WDR25: variants seen among roughly 807,000 people sequenced by gnomAD.
WDR25 encodes WD repeat-containing protein 25.
WDR25 carries 35 observed loss-of-function variants against 47.7 expected under a neutral mutation model. The observed-to-expected ratio is 0.73, with a 90% confidence interval of 0.56 to 0.97. WDR25 has a LOEUF of 0.97. Among genes scored for constraint, WDR25 ranks in the 50% least tolerant of loss-of-function variants. The probability of loss-of-function intolerance (pLI) is 0.00; values close to 1 mark genes in which losing one functional copy is unlikely to be tolerated. For missense variants in WDR25, 634 were observed against 704.7 expected, an observed-to-expected ratio of 0.90 and a Z score of 1.14; for synonymous variants, 248 against 278.9, an observed-to-expected ratio of 0.89 and a Z score of 1.10.
rs367860354 is a variant in WDR25 at position 100,381,474 on chromosome 14, C to T, written c.550C>T (p.Arg184Trp). Residue 184 changes from arginine to tryptophan, a missense_variant, in exon 2 of 7, where the codon CGG (arginine) becomes TGG (tryptophan). Coordinates refer to ENST00000402312, the MANE Select transcript of WDR25 (RefSeq NM_001161476.3). ...VPYTPRRLRQRQALSTETGKG... is the reference protein window; with the variant it reads ...VPYTPRRLRQWQALSTETGKG... ...CTATACTCCCAGAAGACTAAGACAGCGGCAGGCATTAAGCACGGAGACAGG... is the reference window on the plus strand; with the variant it reads ...CTATACTCCCAGAAGACTAAGACAGTGGCAGGCATTAAGCACGGAGACAGG... The T allele has an allele frequency of 1.9e-5, 31 of 1,614,148 alleles. No individual in the cohort carries two copies. The highest frequency in any genetic ancestry group is 4.5e-5 in the East Asian group (2 of 44,878).
chr14:100,432,510 C>T (rs150319657), intron 2 of WDR25, among the ~76,000 whole-genome samples: 67 of 152,330 alleles, frequency 4.4e-4, no homozygotes, highest in African/African-American at 1.5e-3. Flanking sequence ...TTCAGGCTTA[C>T]GGAAGAGTTG....
At chr14:100,423,030 A>G (rs1898071400) in intron 2 of WDR25, among the ~76,000 whole-genome samples, 2 of 152,180 alleles carry the variant, frequency 1.3e-5, no homozygotes, top group South Asian at 4.1e-4. Context: ...GATTTCAGTA[A>G]CTGCAGGCTG....
chr14:100,476,571 G>T (rs753388709), intron 3 of WDR25: 2 of 152,198 alleles, frequency 1.3e-5, no homozygotes, highest in South Asian at 2.1e-4. Context: ...AATAACTGGC[G>T]GCGATGCAAG....
chr14:100,463,336 A>G lies in WDR25; in HGVS notation c.823-4685A>G, dbSNP rs140890659. Among the ~76,000 whole-genome samples the G allele has an allele frequency of 3.6e-3, 542 of 152,302 alleles. 6 individuals are homozygous for G. Among genetic ancestry groups the G allele is most frequent in the African/African-American group, 0.012 (510 of 41,566 alleles). ...CAAATCCCCAGGTGTGTCTGTTCTCATTCTCAGCGGACCCACCCATCAGCA... is the reference window on the plus strand; with the variant it reads ...CAAATCCCCAGGTGTGTCTGTTCTCGTTCTCAGCGGACCCACCCATCAGCA... On this transcript the variant is annotated intron_variant, in intron 2 of 6. Coordinates refer to ENST00000402312, the MANE Select transcript of WDR25 (RefSeq NM_001161476.3).
chr14:100,483,765 G>A (rs903594158), intron 3 of WDR25, among the ~76,000 whole-genome samples: 2 of 152,158 alleles, frequency 1.3e-5, no homozygotes, highest in Non-Finnish European at 2.9e-5. Context: ...CTCAGCCCAG[G>A]GGGAGGGGAT....
At chr14:100,484,969 G>T (rs1900333675) in intron 4 of WDR25, among the ~76,000 whole-genome samples, 2 of 152,174 alleles carry the variant, frequency 1.3e-5, no homozygotes, top group South Asian at 4.1e-4. Flanking sequence ...TCCAGGCTCT[G>T]ATCTTACAGT....
chr14:100,380,864 A>T, intron 1 of WDR25, 46 bp from the exon 2 acceptor site: 1 of 1,521,408 alleles, frequency 6.6e-7, no homozygotes, highest in South Asian at 1.2e-5. Flanking sequence ...CTACATACAT[A>T]TTCTTCCATG....
chr14:100,386,322 CCTAT>C (rs1420305600), intron 2 of WDR25, among the ~76,000 whole-genome samples: 1 of 152,210 alleles, frequency 6.6e-6, no homozygotes, highest in African/African-American at 2.4e-5. Flanking sequence ...GCCCTACATT[CCTAT>C]CTGTTTACAT....
intron 4 of WDR25, among the ~76,000 whole-genome samples, chr14:100,486,733 A>G (rs1239442049): frequency 6.6e-6 from 1 of 152,228 alleles, no homozygotes; most frequent in Non-Finnish European, 1.5e-5. Context: ...AACATCCAGA[A>G]GTGAGCAGCT....
rs559981313 is a variant in WDR25, at chr14:100,487,798, T to C, written c.1101+3674T>C. On this transcript the variant is annotated intron_variant, in intron 4 of 6. Coordinates refer to ENST00000402312, the MANE Select transcript of WDR25 (RefSeq NM_001161476.3). ...ACTGTAAGAAACATCTTTTTGCATA[T>C]AGCTTTTTCCACATTTGGGATTTAT... is the stretch of plus-strand genomic sequence containing the variant. 3.9e-5 allele frequency: 6 copies of C among 152,348 alleles called. No homozygotes were observed. In the East Asian group the frequency reaches 9.6e-4, roughly 24 times the overall value. 9.4% of individuals were successfully genotyped at this position (152,348 alleles called of 1,614,324 possible).
intron 2 of WDR25, among the ~76,000 whole-genome samples, chr14:100,439,673 G>A (rs1898609348): frequency 6.6e-6 from 1 of 152,228 alleles, no homozygotes; most frequent in African/African-American, 2.4e-5. Context: ...TTATGTGACA[G>A]TGAGTTGGAG....
Position 100,530,133 on chromosome 14 carries a change from G to T in WDR25, c.*92G>T. ...ATGAGAGGAACGAGCACAGAGGTTGGCTGTGGGTCCTGGGTACCACCTTCT... is the reference window on the plus strand; with the variant it reads ...ATGAGAGGAACGAGCACAGAGGTTGTCTGTGGGTCCTGGGTACCACCTTCT... On this transcript the variant is annotated 3_prime_UTR_variant, in exon 7 of 7. Coordinates refer to ENST00000402312, the MANE Select transcript of WDR25 (RefSeq NM_001161476.3). 7.4e-7 allele frequency: 1 copy of T among 1,354,210 alleles called. No homozygotes were observed. The highest frequency in any genetic ancestry group is 1.0e-6 in the Non-Finnish European group (1 of 991,134). The allele number at this position is 1,354,210 out of a possible 1,614,324, so 83.9% of individuals were successfully genotyped here. A position where few individuals can be genotyped will look rare whatever the true frequency, so the allele number is the denominator to read the frequency against.
chr14:100,382,344 G>A (rs1279275138), intron 2 of WDR25, among the ~76,000 whole-genome samples: 5 of 152,132 alleles, frequency 3.3e-5, no homozygotes, highest in Non-Finnish European at 5.9e-5. Context: ...GGGAAGGTTC[G>A]CTTGGGGATG....
In WDR25 at chr14:100,417,567, C is replaced by T. The variant is rs575974786; in HGVS notation, c.822+35821C>T. ...TTCCAGTTCTGAGGCTACTGCGAGTCACCTTCCTCCTCCAGGGAGGGAGAG... is the reference window on the plus strand; with the variant it reads ...TTCCAGTTCTGAGGCTACTGCGAGTTACCTTCCTCCTCCAGGGAGGGAGAG... On this transcript the variant is annotated intron_variant, in intron 2 of 6. Transcript: ENST00000402312. Among the ~76,000 whole-genome samples the T allele has an allele frequency of 2.6e-5, 4 of 152,312 alleles. No individual in the cohort carries two copies. The East Asian group carries it at 7.7e-4, about 29-fold the overall frequency.
intron 4 of WDR25, among the ~76,000 whole-genome samples, chr14:100,497,407 T>C (rs1000589670): frequency 6.6e-6 from 1 of 152,194 alleles, no homozygotes; most frequent in African/African-American, 2.4e-5. Flanking sequence ...ACTTTGAAGC[T>C]GCCAGCACAG....
At chr14:100,403,177 A>T (rs1897430699) in intron 2 of WDR25, among the ~76,000 whole-genome samples, 1 of 152,244 alleles carries the variant, frequency 6.6e-6, no homozygotes, top group African/African-American at 2.4e-5. Flanking sequence ...AAGAATAGAA[A>T]TACAAATTGG....
At position 100,496,124 on chromosome 14, in the gene WDR25, TG is replaced by T. The variant is rs1296752158; in HGVS notation, c.1101+12001del. ...ATCCTCACCAGCACTTGTTCTTACT[TG>T]TCTTTTATATTATACGTATCCTAGT... is the stretch of plus-strand genomic sequence containing the variant. On this transcript the variant is annotated intron_variant, in intron 4 of 6. Coordinates refer to ENST00000402312, the MANE Select transcript of WDR25 (RefSeq NM_001161476.3). Among the ~76,000 whole-genome samples, 5 of 152,364 alleles carry T rather than the reference TG, an allele frequency of 3.3e-5. No individual in the cohort carries two copies. In the East Asian group the frequency reaches 9.6e-4, roughly 29 times the overall value.
At chr14:100,478,643 A>G (rs1900098228) in intron 3 of WDR25, among the ~76,000 whole-genome samples, 1 of 152,270 alleles carries the variant, frequency 6.6e-6, no homozygotes, top group Admixed American at 6.5e-5. Flanking sequence ...TATAAACTAC[A>G]GCTTATCTTC....
chr14:100,456,058 C>A (rs1258381943), intron 2 of WDR25, among the ~76,000 whole-genome samples: 1 of 152,156 alleles, frequency 6.6e-6, no homozygotes, highest in Non-Finnish European at 1.5e-5. Context: ...ATTCTGTATC[C>A]TTCAAGAATG....
Sources: gnomAD v4.1 joint callset for allele counts (sites outside exome capture counted in the v4.1 genomes callset) on GRCh38, gnomAD v4.1.1 for gene constraint, MANE v1.5 for transcripts, NCBI Gene and HGNC (gene_info 2026-07-23, HGNC 2026-07-21) for gene names.